MYOM1: variants seen among roughly 807,000 people sequenced by gnomAD.
The protein encoded by MYOM1 is myomesin 1.
MYOM1 carries 164 observed loss-of-function variants against 205.3 expected under a neutral mutation model. The ratio of observed to expected loss-of-function variants is 0.80; its 90% CI spans 0.70 to 0.91. MYOM1 has a LOEUF of 0.91. MYOM1 is among the 40% of genes least tolerant of loss of function. MYOM1 has a pLI of 0.00. For synonymous variants in MYOM1, 772 were observed against 789.4 expected (o/e 0.98, Z 0.37); for missense variants, 2,011 against 2,127.3 (o/e 0.95, Z 1.08).
At chr18:3,138,566 T>A (rs914747740) in intron 14 of MYOM1, among the ~76,000 whole-genome samples, 6 of 152,304 alleles carry the variant, frequency 3.9e-5, no homozygotes, top group Middle Eastern at 3.4e-3. Context: ...TTATCTTTTG[T>A]GTGTCTGCTG....
At chr18:3,118,022 G>C (rs1236042097) in intron 20 of MYOM1, among the ~76,000 whole-genome samples, 2 of 152,064 alleles carry the variant, frequency 1.3e-5, no homozygotes, top group Non-Finnish European at 2.9e-5. Flanking sequence ...CTACAGATGA[G>C]GAACTATGCT....
intron 23 of MYOM1, among the ~76,000 whole-genome samples, chr18:3,101,728 GATA>G (rs1395185853): frequency 2.0e-5 from 3 of 152,058 alleles, no homozygotes; most frequent in South Asian, 2.1e-4. Flanking sequence ...AAATTTCATA[GATA>G]ATGAGAATCA....
chr18:3,160,725 C>T (rs1338257187), intron 10 of MYOM1, among the ~76,000 whole-genome samples: 1 of 152,156 alleles, frequency 6.6e-6, no homozygotes, highest in African/African-American at 2.4e-5. Context: ...TTTGCCTTTT[C>T]TATTTATCTT....
At chr18:3,149,300 G>A (rs929538536) in intron 12 of MYOM1, 99 bp from the exon 13 acceptor site, 2 of 935,470 alleles carry the variant, frequency 2.1e-6, no homozygotes. Flanking sequence ...GTCACAACTG[G>A]GTTTGTTACT....
At chr18:3,211,731 G>C (rs973670663) in intron 2 of MYOM1, among the ~76,000 whole-genome samples, 3 of 152,130 alleles carry the variant, frequency 2.0e-5, no homozygotes, top group Non-Finnish European at 4.4e-5. Flanking sequence ...ATTGGTAACT[G>C]ATCTGTACTG....
chr18:3,166,031 G>A (rs2080462640), intron 9 of MYOM1, among the ~76,000 whole-genome samples: 1 of 152,118 alleles, frequency 6.6e-6, no homozygotes, highest in Non-Finnish European at 1.5e-5. Flanking sequence ...ACATTTGTCT[G>A]CACTGCCATT....
intron 3 of MYOM1, among the ~76,000 whole-genome samples, chr18:3,191,840 T>C (rs529182983): frequency 7.6e-4 from 115 of 151,702 alleles, no homozygotes; most frequent in African/African-American, 1.9e-3. Context: ...GGACTACAGG[T>C]GCCCGCCACC....
intron 19 of MYOM1, among the ~76,000 whole-genome samples, chr18:3,122,735 A>T (rs534011755): frequency 6.6e-6 from 1 of 152,362 alleles, no homozygotes; most frequent in East Asian, 1.9e-4. Flanking sequence ...TAGTTTTAAC[A>T]TTAGACAATT....
At chr18:3,112,792 G>T (rs563893583) in intron 21 of MYOM1, among the ~76,000 whole-genome samples, 3 of 152,280 alleles carry the variant, frequency 2.0e-5, no homozygotes, top group Admixed American at 6.5e-5. Flanking sequence ...CATATATGTC[G>T]CTTTTCCCCC....
intron 2 of MYOM1, among the ~76,000 whole-genome samples, chr18:3,194,525 C>T (rs572787074): frequency 1.3e-5 from 2 of 152,146 alleles, no homozygotes; most frequent in East Asian, 1.9e-4. Flanking sequence ...CACACGGGTG[C>T]GATAAGGAAG....
At chr18:3,124,026 AG>A (rs1278197137) in intron 19 of MYOM1, among the ~76,000 whole-genome samples, 2 of 151,228 alleles carry the variant, frequency 1.3e-5, no homozygotes, top group African/African-American at 4.9e-5. Context: ...TAGTAGAGAC[AG>A]GGTTTCACCA....
At chr18:3,100,243 T>C (rs2079358938) in intron 24 of MYOM1, 40 bp from the exon 25 acceptor site, 6 of 1,613,484 alleles carry the variant, frequency 3.7e-6, no homozygotes, top group Non-Finnish European at 4.2e-6. Flanking sequence ...CTTAAACTAC[T>C]AAAATAAAAG....
intron 7 of MYOM1, 43 bp from the exon 8 acceptor site, chr18:3,174,043 GATTT>G: frequency 6.2e-7 from 1 of 1,608,550 alleles, no homozygotes; most frequent in Non-Finnish European, 8.5e-7. Context: ...CTTTGTGATC[GATTT>G]ATTTTAAAAC....
intron 9 of MYOM1, among the ~76,000 whole-genome samples, chr18:3,164,841 T>C (rs2080445191): frequency 6.6e-6 from 1 of 152,206 alleles, no homozygotes; most frequent in African/African-American, 2.4e-5. Flanking sequence ...TCAATAATAA[T>C]ACGTTACTAG....
At chr18:3,075,578 G>T in intron 35 of MYOM1, 102 bp from the exon 36 acceptor site, 1 of 1,445,270 alleles carries the variant, frequency 6.9e-7, no homozygotes, top group Non-Finnish European at 9.7e-7. Flanking sequence ...GAGACATTTT[G>T]CTGTTCAATA....
At chr18:3,216,603 T>A (rs538246018) in intron 1 of MYOM1, among the ~76,000 whole-genome samples, 10 of 152,250 alleles carry the variant, frequency 6.6e-5, no homozygotes, top group African/African-American at 2.2e-4. Context: ...AACCACTGAT[T>A]GGCAGGGGTT....
intron 9 of MYOM1, among the ~76,000 whole-genome samples, chr18:3,166,223 G>A (rs2080466923): frequency 1.3e-5 from 2 of 151,068 alleles, no homozygotes; most frequent in Admixed American, 6.6e-5. Flanking sequence ...CAGCTCTGGA[G>A]AGGAGCTATA....
chr18:3,135,565 C>T lies in MYOM1; in HGVS notation c.2191G>A (p.Val731Met). ...GEPSEATEVTVVGDKLDIPKA... is the reference protein window; with the variant it reads ...GEPSEATEVTMVGDKLDIPKA... ...TGCTTACCAAGTTTGTCCCCTACCA[C>T]AGTCACCTCCGTTGCCTCTGAGGGC... Residue 731 changes from valine to methionine, a missense_variant, in exon 15 of 38, where the codon GTG becomes ATG. Val to Met is a conservative substitution (Grantham distance 21). Transcript: ENST00000356443. This position sits in a 1 kb window ranked among gnomAD's most constrained non-coding sequence, Gnocchi z 4.1. The T allele has an allele frequency of 6.2e-7, 1 of 1,613,700 alleles. No homozygotes were observed. The highest frequency in any genetic ancestry group is 1.1e-5 in the South Asian group (1 of 91,024).
chr18:3,173,590 G>C (rs940781061), intron 8 of MYOM1, among the ~76,000 whole-genome samples: 1 of 151,208 alleles, frequency 6.6e-6, no homozygotes, highest in Non-Finnish European at 1.5e-5. Context: ...GTGTGTGTGT[G>C]TGTGTGTGTG....
Sources: allele counts gnomAD v4.1 joint callset (sites outside exome capture counted in the v4.1 genomes callset), GRCh38; gene constraint gnomAD v4.1.1; non-coding constraint Gnocchi (gnomAD v3.1); transcripts MANE v1.5; gene names NCBI Gene and HGNC (gene_info 2026-07-23, HGNC 2026-07-21).